PIK3C2G: variants seen among roughly 807,000 people sequenced by gnomAD.
PIK3C2G encodes the protein phosphatidylinositol 3-kinase C2 domain-containing subunit gamma.
Under a neutral mutation model 181.1 loss-of-function variants are expected in PIK3C2G, and 168 were observed. That is an observed-to-expected ratio of 0.93 (90% CI 0.82 to 1.05). The LOEUF (loss-of-function observed/expected upper bound fraction) is 1.05, where lower values mean the gene tolerates loss of function less well. Among genes scored for constraint, PIK3C2G ranks in the 50% least tolerant of loss-of-function variants. The pLI, the probability that PIK3C2G is intolerant of heterozygous loss-of-function variation, is 0.00. For missense variants in PIK3C2G, 1,869 were observed against 1,732.8 expected (o/e 1.08, Z -1.40); for synonymous variants, 573 against 592.2 (o/e 0.97, Z 0.47).
At chr12:18,315,967 A>G (rs1950843743) in intron 6 of PIK3C2G, among the ~76,000 whole-genome samples, 1 of 151,772 alleles carries the variant, frequency 6.6e-6, no homozygotes, top group Non-Finnish European at 1.5e-5. Context: ...AGTCTGGGGC[A>G]TGATCGGTGA....
rs146206189 is a variant in PIK3C2G, at chr12:18,466,767, G to A, written c.2505-21682G>A. On this transcript the variant is annotated intron_variant, in intron 18 of 32. Transcript: ENST00000538779. Reference sequence around the variant, plus strand: ...AAACCACTTTACTTTAGCACAAACAGGAGAAAGTCCTCTTAAGATGACTCT... The same window carrying A: ...AAACCACTTTACTTTAGCACAAACAAGAGAAAGTCCTCTTAAGATGACTCT... Among the ~76,000 whole-genome samples the A allele has an allele frequency of 4.9e-3, 741 of 151,994 alleles. 3 individuals are homozygous for A. The highest frequency in any genetic ancestry group is 0.016 in the African/African-American group (683 of 41,524).
intron 8 of PIK3C2G, among the ~76,000 whole-genome samples, chr12:18,334,059 T>C (rs1938257980): frequency 1.3e-5 from 2 of 152,112 alleles, no homozygotes; most frequent in Non-Finnish European, 2.9e-5. Context: ...CCGGGACACA[T>C]CCAATATTTC....
rs935855969 is a variant in PIK3C2G, at chr12:18,461,425, G to A, written c.2505-27024G>A. 3.3e-5 allele frequency among the ~76,000 whole-genome samples: 5 copies of A among 152,216 alleles called. 1 individual carries two copies. In the South Asian group the frequency reaches 1.0e-3, roughly 32 times the overall value. ...TCTTTGTAGTTAAACACTTGCATAT[G>A]TCCTTAGTTATTTCTTTGGACTATT... is the stretch of plus-strand genomic sequence containing the variant. On this transcript the variant is annotated intron_variant, in intron 18 of 32. Coordinates refer to ENST00000538779, the MANE Select transcript of PIK3C2G (RefSeq NM_001288772.2).
At chr12:18,326,365 CA>C in intron 8 of PIK3C2G, among the ~76,000 whole-genome samples, 1 of 152,136 alleles carries the variant, frequency 6.6e-6, no homozygotes, top group Non-Finnish European at 1.5e-5. Context: ...ATTTTTTAAA[CA>C]AGTGACTTCT....
At chr12:18,259,710 A>C (rs1165630923), upstream of PIK3C2G, among the ~76,000 whole-genome samples, 2 of 151,878 alleles carry the variant, frequency 1.3e-5, no homozygotes, top group African/African-American at 4.8e-5. Context: ...TAACCTAATT[A>C]ATGTTAACAT....
At chr12:18,637,584 A>G (rs1165410705) in intron 31 of PIK3C2G, among the ~76,000 whole-genome samples, 2 of 152,136 alleles carry the variant, frequency 1.3e-5, no homozygotes, top group East Asian at 3.9e-4. Context: ...GCAGTTTAGC[A>G]AGGCAACTTG....
chr12:18,692,237 T>C, the PIK3C2G span, among the ~76,000 whole-genome samples: 2 of 152,122 alleles, frequency 1.3e-5, no homozygotes, highest in African/African-American at 4.8e-5. Context: ...AGATGGTTTA[T>C]ACAGTTCTAG....
intron 16 of PIK3C2G, among the ~76,000 whole-genome samples, chr12:18,420,574 T>C (rs74070261): frequency 0.026 from 3,896 of 152,256 alleles, 154 homozygotes; most frequent in African/African-American, 0.089. Context: ...TATAATCAGA[T>C]TTCCAGTTGG....
chr12:18,486,006 C>G (rs960860970), intron 18 of PIK3C2G, among the ~76,000 whole-genome samples: 1 of 152,132 alleles, frequency 6.6e-6, no homozygotes, highest in Non-Finnish European at 1.5e-5. Context: ...TGTAGTTCAG[C>G]CTTTTCCGTA....
At chr12:18,295,222 CT>C (rs1949886966) in intron 5 of PIK3C2G, among the ~76,000 whole-genome samples, 1 of 151,430 alleles carries the variant, frequency 6.6e-6, no homozygotes, top group African/African-American at 2.4e-5. Flanking sequence ...TTTATTTGAA[CT>C]TATTAACACA....
At chr12:18,679,550 T>C in the PIK3C2G span, among the ~76,000 whole-genome samples, 1 of 152,000 alleles carries the variant, frequency 6.6e-6, no homozygotes, top group Non-Finnish European at 1.5e-5. Flanking sequence ...CTGTAAACCA[T>C]AGGCAATGTT....
At position 18,518,024 on chromosome 12, in the gene PIK3C2G, C is replaced by T. The variant is rs569724442; in HGVS notation, c.3323+12563C>T. ...TTTGTCATTGATTCTGTTTATATGA[C>T]GATGGATTACATTTATTGATTTGCG... is the stretch of plus-strand genomic sequence containing the variant. On this transcript the variant is annotated intron_variant, in intron 24 of 32. Transcript: ENST00000538779. Among the ~76,000 whole-genome samples, 56 of 152,068 alleles carry T rather than the reference C, an allele frequency of 3.7e-4. 2 individuals carry two copies. The highest frequency in any genetic ancestry group is 1.2e-3 in the African/African-American group (49 of 41,508).
chr12:18,409,101 T>C (rs544794223), intron 16 of PIK3C2G, among the ~76,000 whole-genome samples: 6 of 152,300 alleles, frequency 3.9e-5, no homozygotes, highest in African/African-American at 1.2e-4. Flanking sequence ...TGCACATGTA[T>C]GTTTATTGCA....
intron 19 of PIK3C2G, among the ~76,000 whole-genome samples, chr12:18,490,416 CAA>C (rs929044843): frequency 6.6e-6 from 1 of 152,002 alleles, no homozygotes; most frequent in Admixed American, 6.6e-5. Flanking sequence ...TTAAAATGCA[CAA>C]AAAAATTTTT....
intron 4 of PIK3C2G, among the ~76,000 whole-genome samples, chr12:18,292,227 A>AATATATATAT (rs1555149102): frequency 0.01 from 502 of 48,570 alleles, 17 homozygotes; most frequent in African/African-American, 0.034. Flanking sequence ...AAAAAAAAAA[A>AATATATATAT]ATATATATAT....
At chr12:18,367,463 C>G (rs1274898626) in intron 12 of PIK3C2G, among the ~76,000 whole-genome samples, 1 of 152,146 alleles carries the variant, frequency 6.6e-6, no homozygotes, top group Non-Finnish European at 1.5e-5. Context: ...TTATTTTTCT[C>G]CATTAAGTCT....
chr12:18,438,972 C>T (rs1328508311), intron 18 of PIK3C2G, among the ~76,000 whole-genome samples: 2 of 151,818 alleles, frequency 1.3e-5, no homozygotes, highest in Non-Finnish European at 2.9e-5. Flanking sequence ...AGAAGTATCA[C>T]CAAAGTTTCA....
At chr12:18,267,136 T>C (rs1027331231) in intron 1 of PIK3C2G, among the ~76,000 whole-genome samples, 1 of 152,094 alleles carries the variant, frequency 6.6e-6, no homozygotes, top group African/African-American at 2.4e-5. Flanking sequence ...TTATTCTGTA[T>C]TCATAGTATT....
intron 1 of PIK3C2G, among the ~76,000 whole-genome samples, chr12:18,281,339 G>A (rs976703348): frequency 6.7e-5 from 10 of 148,718 alleles, no homozygotes; most frequent in African/African-American, 1.7e-4. Flanking sequence ...CCAGTGTCAC[G>A]GAAAGCCAAA....
Sources: gnomAD v4.1 joint callset for allele counts (sites outside exome capture counted in the v4.1 genomes callset) on GRCh38, gnomAD v4.1.1 for gene constraint, MANE v1.5 for transcripts, NCBI Gene and HGNC (gene_info 2026-07-23, HGNC 2026-07-21) for gene names.